SRPK2: variants seen among roughly 807,000 people sequenced by gnomAD.
SRPK2 encodes the protein SRSF protein kinase 2.
In SRPK2, 21 loss-of-function variants were observed where a neutral mutation model predicts 90.8. The ratio of observed to expected loss-of-function variants is 0.23; its 90% confidence interval spans 0.16 to 0.33. The LOEUF is 0.33. Ranked by LOEUF, SRPK2 falls within the 10% of genes least tolerant of loss-of-function variation. SRPK2 has a pLI of 1.00. For synonymous variants in SRPK2, 288 were observed against 311.1 expected (o/e 0.93, Z 0.78); for missense variants, 620 against 869.0 (o/e 0.71, Z 3.60).
At chr7:105,122,496 C>A (rs1007688433) in intron 15 of SRPK2, among the ~76,000 whole-genome samples, 9 of 152,182 alleles carry the variant, frequency 5.9e-5, no homozygotes, top group Non-Finnish European at 1.3e-4. Context: ...GCCTGTGTAG[C>A]TGTCAAATGC....
intron 3 of SRPK2, among the ~76,000 whole-genome samples, chr7:105,197,085 C>CG (rs1795007703): frequency 6.6e-6 from 1 of 151,534 alleles, no homozygotes; most frequent in Admixed American, 6.6e-5. Context: ...GTCATAGACT[C>CG]GGAGGGTTGG....
At chr7:105,205,954 T>A (rs753058641) in intron 2 of SRPK2, 2 of 518,796 alleles carry the variant, frequency 3.9e-6, no homozygotes, top group South Asian at 2.8e-5. Flanking sequence ...CACATTGAGT[T>A]TGCTGTAGAA....
At chr7:105,166,662 G>A (rs991210751) in intron 6 of SRPK2, among the ~76,000 whole-genome samples, 2 of 152,070 alleles carry the variant, frequency 1.3e-5, no homozygotes, top group African/African-American at 2.4e-5. Context: ...AGGTATTTTC[G>A]ATCAAGCACT....
chr7:105,389,876 A>G (rs1399836221), upstream of SRPK2, among the ~76,000 whole-genome samples: 1 of 152,208 alleles, frequency 6.6e-6, no homozygotes, highest in East Asian at 1.9e-4. Context: ...TGGTCACACA[A>G]CTGTATCTTT....
chr7:105,231,972 C>T (rs1799478815), intron 2 of SRPK2, among the ~76,000 whole-genome samples: 1 of 152,212 alleles, frequency 6.6e-6, no homozygotes, highest in Non-Finnish European at 1.5e-5. Flanking sequence ...ATCCTCCCAC[C>T]TCAGCCTCTT....
At chr7:105,210,675 C>T (rs1796744280) in intron 2 of SRPK2, among the ~76,000 whole-genome samples, 1 of 151,546 alleles carries the variant, frequency 6.6e-6, no homozygotes, top group African/African-American at 2.4e-5. Flanking sequence ...GATATTACAC[C>T]TGTTATCCAA....
chr7:105,271,839 G>A (rs1055526800), intron 2 of SRPK2, among the ~76,000 whole-genome samples: 1 of 152,072 alleles, frequency 6.6e-6, no homozygotes, highest in Non-Finnish European at 1.5e-5. Context: ...TAGTATCTGG[G>A]ACCCTATATG....
At chr7:105,398,772 G>A (rs1347956783) in intron 1 of SRPK2, among the ~76,000 whole-genome samples, 1 of 152,198 alleles carries the variant, frequency 6.6e-6, no homozygotes, top group Non-Finnish European at 1.5e-5. Context: ...TAACATAGAA[G>A]AGAGTGGCAG....
At chr7:105,236,550 C>A (rs574177702) in intron 2 of SRPK2, among the ~76,000 whole-genome samples, 31 of 152,136 alleles carry the variant, frequency 2.0e-4, no homozygotes, top group Non-Finnish European at 4.0e-4. Flanking sequence ...TCCCGTTTTA[C>A]AGATGAGGAA....
chr7:105,249,790 T>C (rs1802230959), intron 2 of SRPK2, among the ~76,000 whole-genome samples: 1 of 152,206 alleles, frequency 6.6e-6, no homozygotes. Flanking sequence ...AAATAAAAAA[T>C]ATTAAAATGC....
intron 2 of SRPK2, among the ~76,000 whole-genome samples, chr7:105,286,373 T>A (rs569801834): frequency 7.9e-4 from 120 of 152,354 alleles, no homozygotes; most frequent in African/African-American, 2.8e-3. Flanking sequence ...TTATTAGATT[T>A]ACTATGCTAA....
At chr7:105,180,822 C>T (rs1792685962) in intron 3 of SRPK2, among the ~76,000 whole-genome samples, 2 of 152,060 alleles carry the variant, frequency 1.3e-5, no homozygotes, top group South Asian at 4.2e-4. Context: ...GGACATAGGA[C>T]CTGGCAAAGA....
chr7:105,375,454 G>A (rs1329997402), intron 2 of SRPK2, among the ~76,000 whole-genome samples: 1 of 152,134 alleles, frequency 6.6e-6, no homozygotes, highest in African/African-American at 2.4e-5. Flanking sequence ...AGCCAAGGTG[G>A]GAAGACAGCT....
At position 105,369,370 on chromosome 7, in the gene SRPK2, A is replaced by G. The variant is rs1585925419; in HGVS notation, c.71+19278T>C. On this transcript the variant is annotated intron_variant, in intron 2 of 15. Coordinates refer to ENST00000393651, the MANE Select transcript of SRPK2 (RefSeq NM_182692.3). ...ATCACGCTGGCCAGGCTGGTATCGA[A>G]CTCCTGACCTCAAGTGATTCACCCA... Among the ~76,000 whole-genome samples, 9 of 151,882 alleles carry G rather than the reference A, an allele frequency of 5.9e-5. 2 individuals carry two copies. The highest frequency in any genetic ancestry group is 5.3e-4 in the Admixed American group (8 of 15,186).
chr7:105,246,596 G>A (rs532548235), intron 2 of SRPK2, among the ~76,000 whole-genome samples: 9 of 152,250 alleles, frequency 5.9e-5, no homozygotes, highest in Admixed American at 3.9e-4. Flanking sequence ...ACAGACCTAC[G>A]ACAGTGACAC....
intron 2 of SRPK2, among the ~76,000 whole-genome samples, chr7:105,322,347 G>C (rs762073443): frequency 6.6e-6 from 1 of 151,152 alleles, no homozygotes; most frequent in East Asian, 2.0e-4. Context: ...AAGCCAAGAG[G>C]TGGAGGCTGC....
intron 4 of SRPK2, 131 bp from the exon 5 acceptor site, chr7:105,168,226 G>A (rs941930370): frequency 5.8e-6 from 4 of 687,140 alleles, no homozygotes; most frequent in African/African-American, 3.6e-5. Context: ...AACATTATGA[G>A]TGTGTCAACA....
At chr7:105,347,467 G>A (rs1816600156) in intron 2 of SRPK2, among the ~76,000 whole-genome samples, 1 of 152,106 alleles carries the variant, frequency 6.6e-6, no homozygotes, top group Admixed American at 6.6e-5. Context: ...GGGATCACAG[G>A]AGTGAGCCAC....
chr7:105,217,070 T>A (rs914084974), intron 2 of SRPK2, among the ~76,000 whole-genome samples: 21 of 152,210 alleles, frequency 1.4e-4, no homozygotes, highest in African/African-American at 5.1e-4. Flanking sequence ...CTTGATACAT[T>A]ACGCACGATA....
Sources: allele counts gnomAD v4.1 joint callset (sites outside exome capture counted in the v4.1 genomes callset), GRCh38; gene constraint gnomAD v4.1.1; transcripts MANE v1.5; gene names NCBI Gene and HGNC (gene_info 2026-07-23, HGNC 2026-07-21).